Variants in ZNF638 observed in about 807,000 individuals in gnomAD.
ZNF638 encodes the protein CTCL tumor antigen se33-1.
ZNF638 carries 46 observed loss-of-function variants against 195.6 expected under a neutral mutation model. That is an observed-to-expected ratio of 0.24 (90% CI 0.19 to 0.30). ZNF638 has a LOEUF of 0.30. ZNF638 is among the 10% of genes least tolerant of loss of function. The probability of loss-of-function intolerance (pLI) is 1.00; values close to 1 mark genes in which losing one functional copy is unlikely to be tolerated. For missense variants in ZNF638, 2,440 were observed against 2,325.3 expected (o/e 1.05, Z -1.01); for synonymous variants, 845 against 772.0 (o/e 1.09, Z -1.57).
rs531841338 is a variant in ZNF638, at chr2:71,429,260, C to T, written c.5650+609C>T. On this transcript the variant is annotated intron_variant, in intron 25 of 27. Transcript: ENST00000264447. ...TTTACCATTCTCTTTGTAGCACCCT[C>T]ATTGCCCTCTTTCTTTCCTATCCTA... Among the ~76,000 whole-genome samples, 4 of 152,308 alleles carry T rather than the reference C, an allele frequency of 2.6e-5. No individual in the cohort carries two copies. In the East Asian group the frequency reaches 5.8e-4, roughly 22 times the overall value.
intron 23 of ZNF638, among the ~76,000 whole-genome samples, 155 bp downstream of exon 23, chr2:71,424,870 C>G (rs994981024): frequency 5.3e-5 from 8 of 152,158 alleles, no homozygotes; most frequent in Admixed American, 5.2e-4. Context: ...TATCTCTAAT[C>G]CTACCATTAA....
chr2:71,358,884 A>G (rs2079065068), intron 3 of ZNF638, among the ~76,000 whole-genome samples: 1 of 152,186 alleles, frequency 6.6e-6, no homozygotes, highest in Non-Finnish European at 1.5e-5. Flanking sequence ...ATACCTGTTA[A>G]TGGCAATCTG....
chr2:71,409,143 T>A (rs1049662253), intron 20 of ZNF638, among the ~76,000 whole-genome samples: 9 of 152,154 alleles, frequency 5.9e-5, no homozygotes, highest in African/African-American at 2.2e-4. Context: ...AAAAGAAAAT[T>A]AAAGAAGTGA....
chr2:71,410,182 T>C (rs2152586456), intron 20 of ZNF638, among the ~76,000 whole-genome samples: 1 of 152,318 alleles, frequency 6.6e-6, no homozygotes, highest in Non-Finnish European at 1.5e-5. Flanking sequence ...AGTTTGTTTT[T>C]CTGTTTGTTT....
At chr2:71,385,467 A>G (rs1213815138) in intron 10 of ZNF638, among the ~76,000 whole-genome samples, 1 of 144,266 alleles carries the variant, frequency 6.9e-6, no homozygotes, top group African/African-American at 2.4e-5. Flanking sequence ...ATGAAATTAC[A>G]GAGAGAGAAC....
At chr2:71,408,022 T>G in intron 19 of ZNF638, 100 bp from the exon 20 acceptor site, 1 of 1,106,314 alleles carries the variant, frequency 9.0e-7, no homozygotes, top group South Asian at 1.6e-5. Context: ...CTTTCATTCC[T>G]TTTAGGTGTA....
chr2:71,366,596 G>C (rs1221708843), intron 6 of ZNF638, among the ~76,000 whole-genome samples: 2 of 152,172 alleles, frequency 1.3e-5, no homozygotes, highest in Non-Finnish European at 2.9e-5. Context: ...TTCACAAGCA[G>C]ATCACTGTGA....
intron 27 of ZNF638, among the ~76,000 whole-genome samples, chr2:71,433,806 A>G (rs2080713723): frequency 6.6e-6 from 1 of 152,164 alleles, no homozygotes; most frequent in Admixed American, 6.5e-5. Context: ...TGGCACAGAC[A>G]CTCATCTAAC....
In ZNF638 at chr2:71,423,088, A is replaced by C; in HGVS notation, c.3574A>C (p.Thr1192Pro). ...CGCTTCAGTCAGTATTGAACAATTC[A>C]CTGAAAATGCCGAGGAGTGTGCTTT... ...ASASVSIEQF[T>P]ENAEECALNQ... The change falls in exon 22 of 28, where the codon ACT becomes CCT. Residue 1192 changes from threonine to proline, a missense_variant. Physicochemically the swap from Thr to Pro is conservative, Grantham distance 38 (BLOSUM62 -1). This residue lies in a region of ZNF638 where 1,883 missense variants were observed against 1,739.1 expected (regional missense o/e 1.08). Coordinates refer to ENST00000264447, the MANE Select transcript of ZNF638 (RefSeq NM_014497.5). 1 of 1,614,156 alleles carries C rather than the reference A, an allele frequency of 6.2e-7. No homozygotes were observed. The highest frequency in any genetic ancestry group is 8.5e-7 in the Non-Finnish European group (1 of 1,180,002).
chr2:71,424,773 C>CTATCT (rs2080503882), intron 23 of ZNF638, 58 bp downstream of exon 23: 1 of 1,378,206 alleles, frequency 7.3e-7, no homozygotes, highest in East Asian at 2.3e-5. Flanking sequence ...CACAGTTCAT[C>CTATCT]TATCTTATAA....
chr2:71,382,633 G>A (rs1321908375), intron 10 of ZNF638, among the ~76,000 whole-genome samples: 1 of 152,182 alleles, frequency 6.6e-6, no homozygotes, highest in Non-Finnish European at 1.5e-5. Context: ...ATGATAGGGG[G>A]CACTTTGTAG....
At chr2:71,346,322 A>G (rs2078850067) in intron 1 of ZNF638, among the ~76,000 whole-genome samples, 1 of 152,194 alleles carries the variant, frequency 6.6e-6, no homozygotes, top group South Asian at 2.1e-4. Flanking sequence ...AAGATATTTT[A>G]TTATGTAGAA....
chr2:71,368,519 T>C lies in ZNF638; in HGVS notation c.2133T>C (p.Tyr711=), dbSNP rs777468133. The C allele has an allele frequency of 3.1e-6, 5 of 1,611,804 alleles. No homozygotes were observed. The highest frequency in any genetic ancestry group is 4.2e-6 in the Non-Finnish European group (5 of 1,179,352). ...GKVNDVLIVP[Y]RKEAYLEMEF... is the part of the protein sequence containing the mutation. The stretch of plus-strand genomic sequence containing the variant: ...TGAATGATGTCCTAATTGTTCCATA[T>C]AGAAAAGAGGTGAGTCATTTAGTCT... The change falls in exon 7 of 28, where the codon TAT becomes TAC. Residue 711 remains tyrosine, a synonymous_variant. Coordinates refer to ENST00000264447, the MANE Select transcript of ZNF638 (RefSeq NM_014497.5).
chr2:71,379,602 T>C (rs1170325810), intron 8 of ZNF638: 4 of 152,208 alleles, frequency 2.6e-5, no homozygotes, highest in African/African-American at 9.6e-5. Flanking sequence ...AAATGTTTCC[T>C]TTAAGTGAAA....
intron 5 of ZNF638, 114 bp from the exon 6 acceptor site, chr2:71,365,315 T>TA (rs2079178072): frequency 1.2e-6 from 1 of 843,912 alleles, no homozygotes; most frequent in Non-Finnish European, 1.8e-6. Context: ...TAGATTTTTG[T>TA]ATTGTCTGTG....
At chr2:71,333,508 G>T (rs1325099767) in intron 1 of ZNF638, among the ~76,000 whole-genome samples, 1 of 152,156 alleles carries the variant, frequency 6.6e-6, no homozygotes. Context: ...GGTACTCTAG[G>T]TTAAAAAGGT....
chr2:71,368,583 C>G, intron 7 of ZNF638, 55 bp downstream of exon 7: 4 of 1,580,278 alleles, frequency 2.5e-6, no homozygotes, highest in South Asian at 1.1e-5. Flanking sequence ...TTTAATGATT[C>G]TATAAATTGC....
chr2:71,333,747 CT>C (rs11348398), intron 1 of ZNF638, among the ~76,000 whole-genome samples: 128,437 of 152,168 alleles, frequency 0.84, 55,000 homozygotes, highest in Non-Finnish European at 0.88. Flanking sequence ...TTTAGTCTTT[CT>C]TGAGCTTTTG....
At chr2:71,335,053 T>G (rs1275144892) in intron 1 of ZNF638, among the ~76,000 whole-genome samples, 1 of 152,148 alleles carries the variant, frequency 6.6e-6, no homozygotes, top group Non-Finnish European at 1.5e-5. Context: ...GTACATTATG[T>G]TTTTTTGCTT....
Sources: gnomAD v4.1 joint callset for allele counts (sites outside exome capture counted in the v4.1 genomes callset) on GRCh38, gnomAD v4.1.1 for gene constraint, gnomAD v4.1.1 regional missense constraint, MANE v1.5 for transcripts, NCBI Gene and HGNC (gene_info 2026-07-23, HGNC 2026-07-21) for gene names.